PIEZO2: variants seen among roughly 807,000 people sequenced by gnomAD.
PIEZO2 encodes the protein piezo-type mechanosensitive ion channel component 2.
Under a neutral mutation model 337.3 loss-of-function variants are expected in PIEZO2, and 172 were observed. That is an observed-to-expected ratio of 0.51 (90% CI 0.45 to 0.58). The LOEUF is 0.58. Ranked by LOEUF, PIEZO2 falls within the 20% of genes least tolerant of loss-of-function variation. The pLI, the probability that PIEZO2 is intolerant of heterozygous loss-of-function variation, is 0.00. For missense variants in PIEZO2, 3,028 were observed against 3,391.3 expected (o/e 0.89, Z 2.66); for synonymous variants, 1,251 against 1,228.5 (o/e 1.02, Z -0.38).
chr18:10,899,908 G>A lies in PIEZO2; in HGVS notation c.329+11278C>T, dbSNP rs533476869. ...GGATCTCATTGTCATTCATTAACTC[G>A]AAGACTGTTTATATTAGTCATAATG... On this transcript the variant is annotated intron_variant, in intron 4 of 55. Transcript: ENST00000674853. This position sits in a 1 kb window ranked among gnomAD's most constrained non-coding sequence, Gnocchi z 4.6. Among the ~76,000 whole-genome samples the A allele has an allele frequency of 6.6e-6, 1 of 152,102 alleles. No individual in the cohort carries two copies. Among genetic ancestry groups the A allele is most frequent in the Non-Finnish European group, 1.5e-5 (1 of 68,028 alleles).
intron 49 of PIEZO2, among the ~76,000 whole-genome samples, chr18:10,683,994 C>T (rs939146311): frequency 1.3e-4 from 19 of 151,978 alleles, no homozygotes; most frequent in African/African-American, 4.1e-4. Context: ...TCTCAAATTA[C>T]GCAGCCAATT....
Position 11,032,460 on chromosome 18 carries a change from C to A in PIEZO2, c.160+33667G>T, listed in dbSNP as rs1337740326. Reference sequence around the variant, plus strand: ...GCTCTTGCTCTATTAGAATACGGAGCTATTCTTGGCATGCTCTCGAGTAAG... The same window carrying A: ...GCTCTTGCTCTATTAGAATACGGAGATATTCTTGGCATGCTCTCGAGTAAG... On this transcript the variant is annotated intron_variant, in intron 2 of 55. Transcript: ENST00000674853. The surrounding 1 kb of genome is among the most constrained non-coding windows in gnomAD (Gnocchi z 4.9). Among the ~76,000 whole-genome samples, 1 of 152,162 alleles carries A rather than the reference C, an allele frequency of 6.6e-6. No individual in the cohort carries two copies. Among genetic ancestry groups the A allele is most frequent in the African/African-American group, 2.4e-5 (1 of 41,436 alleles).
intron 3 of PIEZO2, among the ~76,000 whole-genome samples, chr18:10,944,941 T>C (rs2032940420): frequency 6.6e-6 from 1 of 152,102 alleles, no homozygotes; most frequent in African/African-American, 2.4e-5. Flanking sequence ...TGAGATAATG[T>C]CCATGTGCAG....
At position 10,921,021 on chromosome 18, in the gene PIEZO2, C is replaced by G. The variant is rs1170853007; in HGVS notation, c.287-9793G>C. ...TGAGCCAAGATCCTGCCATTGGACT[C>G]CAGCCTGGGCAACAAGGGCGAAACT... On this transcript the variant is annotated intron_variant, in intron 3 of 55. Transcript: ENST00000674853. Among the ~76,000 whole-genome samples, 4 of 152,112 alleles carry G rather than the reference C, an allele frequency of 2.6e-5. No individual in the cohort carries two copies. The East Asian group carries it at 7.7e-4, about 29-fold the overall frequency.
intron 3 of PIEZO2, among the ~76,000 whole-genome samples, chr18:10,972,457 G>A (rs1022862925): frequency 4.6e-5 from 7 of 152,150 alleles, no homozygotes; most frequent in Non-Finnish European, 1.0e-4. Flanking sequence ...GGCTGCAGCT[G>A]TGGGGCAGGT....
At chr18:10,965,741 T>C (rs2033970002) in intron 3 of PIEZO2, among the ~76,000 whole-genome samples, 1 of 152,176 alleles carries the variant, frequency 6.6e-6, no homozygotes, top group African/African-American at 2.4e-5. Flanking sequence ...AGGGAAAGAT[T>C]TGAAACATTT....
rs1246366918 is a variant in PIEZO2, at chr18:10,707,722, C to T, written c.5588+553G>A. On this transcript the variant is annotated intron_variant, in intron 40 of 55. Transcript: ENST00000674853. The surrounding 1 kb of genome is among the most constrained non-coding windows in gnomAD (Gnocchi z 4.2). ...AAAGTTATAGGCTACAAAGATGATGCATTCTGCTGCATAATATTCTTTTTA... is the reference window on the plus strand; with the variant it reads ...AAAGTTATAGGCTACAAAGATGATGTATTCTGCTGCATAATATTCTTTTTA... Among the ~76,000 whole-genome samples, 1 of 152,200 alleles carries T rather than the reference C, an allele frequency of 6.6e-6. No homozygotes were observed. The highest frequency in any genetic ancestry group is 1.5e-5 in the Non-Finnish European group (1 of 68,040).
chr18:10,902,730 C>T (rs528790338), intron 4 of PIEZO2, among the ~76,000 whole-genome samples: 2 of 152,112 alleles, frequency 1.3e-5, no homozygotes, highest in Admixed American at 6.6e-5. Flanking sequence ...GAGAGTTTAC[C>T]ACTGAAATCA....
intron 21 of PIEZO2, among the ~76,000 whole-genome samples, chr18:10,765,693 G>T (rs1324735895): frequency 1.3e-5 from 2 of 151,992 alleles, no homozygotes; most frequent in African/African-American, 4.8e-5. Context: ...GGAGTTCAAA[G>T]AGAGTAGTGA....
At position 11,053,396 on chromosome 18, in the gene PIEZO2, A is replaced by G. The variant is rs138962144; in HGVS notation, c.160+12731T>C. Among the ~76,000 whole-genome samples the G allele has an allele frequency of 1.6e-3, 238 of 152,342 alleles. 1 individual carries two copies. Among genetic ancestry groups the G allele is most frequent in the African/African-American group, 5.6e-3 (233 of 41,594 alleles). On this transcript the variant is annotated intron_variant, in intron 2 of 55. Transcript: ENST00000674853. ...AAATGAGAATAAGATTTCTAAGTCT[A>G]GCTCACTCTGACATTCAAATTAATA... is the stretch of plus-strand genomic sequence containing the variant.
In PIEZO2 at chr18:10,691,218, G is replaced by C; in HGVS notation, c.7349+7C>G. Reference sequence around the variant, plus strand: ...ATAAGTGACTGTGACGTTGCAGAGCGTCCTACCCTTGGAATAAGAAGAGGT... The same window carrying C: ...ATAAGTGACTGTGACGTTGCAGAGCCTCCTACCCTTGGAATAAGAAGAGGT... On this transcript the variant is annotated splice_region_variant and intron_variant, in intron 48 of 55. Coordinates refer to ENST00000674853, the MANE Select transcript of PIEZO2 (RefSeq NM_001378183.1). 1 of 1,612,534 alleles carries C rather than the reference G, an allele frequency of 6.2e-7. No homozygotes were observed. Among genetic ancestry groups the C allele is most frequent in the Non-Finnish European group, 8.5e-7 (1 of 1,179,406 alleles).
In PIEZO2 at chr18:10,705,752, G is replaced by A. The variant is rs2035558500; in HGVS notation, c.5589-6C>T. 5 of 1,512,788 alleles carry A rather than the reference G, an allele frequency of 3.3e-6. No individual in the cohort carries two copies. The highest frequency in any genetic ancestry group is 2.1e-5 in the Admixed American group (1 of 48,632). 93.7% of individuals were successfully genotyped at this position (1,512,788 alleles called of 1,614,324 possible). The stretch of plus-strand genomic sequence containing the variant: ...TGGTACACTGCGTGGGCTCGCTGTT[G>A]GGAGAAAGCGTGGGCACAGAGCCCA... On this transcript the variant is annotated splice_polypyrimidine_tract_variant and splice_region_variant and intron_variant, in intron 40 of 55. Transcript: ENST00000674853.
chr18:10,737,620 T>A lies in PIEZO2; in HGVS notation c.4709-910A>T, dbSNP rs2037060170. ...TGATACTTTCCCTGCAAGAACATAATGCCTGTGTCAAGAGTTGGGAGCAGA... is the reference window on the plus strand; with the variant it reads ...TGATACTTTCCCTGCAAGAACATAAAGCCTGTGTCAAGAGTTGGGAGCAGA... On this transcript the variant is annotated intron_variant, in intron 33 of 55. Transcript: ENST00000674853. 2.6e-5 allele frequency: 4 copies of A among 152,176 alleles called. No individual in the cohort carries two copies. In the South Asian group the frequency reaches 8.3e-4, roughly 32 times the overall value. 9.4% of individuals were successfully genotyped at this position (152,176 alleles called of 1,614,324 possible).
intron 49 of PIEZO2, among the ~76,000 whole-genome samples, chr18:10,688,787 G>A (rs1337004375): frequency 6.6e-6 from 1 of 151,922 alleles, no homozygotes; most frequent in South Asian, 2.1e-4. Flanking sequence ...ATTTCCAGAC[G>A]CTTTGGCACC....
Position 10,759,203 on chromosome 18 carries a change from ATG to A in PIEZO2, c.3757+277_3757+278del, listed in dbSNP as rs750817456. 3.8e-4 allele frequency among the ~76,000 whole-genome samples: 57 copies of A among 148,472 alleles called. No homozygotes were observed. Among genetic ancestry groups the A allele is most frequent in the South Asian group, 6.4e-4 (3 of 4,704 alleles). On this transcript the variant is annotated intron_variant, in intron 26 of 55. Transcript: ENST00000674853. This position sits in a 1 kb window ranked among gnomAD's most constrained non-coding sequence, Gnocchi z 5.5. ...TGTCTTTTGAAAGGTGGCTGTGTAA[ATG>A]TGTGTGTGTGTGTGTGTGTGTGTTT...
chr18:10,798,637 C>T (rs1417288129), intron 11 of PIEZO2, among the ~76,000 whole-genome samples: 1 of 152,048 alleles, frequency 6.6e-6, no homozygotes, highest in Non-Finnish European at 1.5e-5. Flanking sequence ...TTTTGAAAGC[C>T]CAGTTTATGA....
chr18:10,893,080 T>C (rs1310292799), intron 4 of PIEZO2, among the ~76,000 whole-genome samples: 2 of 152,224 alleles, frequency 1.3e-5, no homozygotes, highest in African/African-American at 4.8e-5. Flanking sequence ...AGGAAACTGT[T>C]TCTACTGCGA....
chr18:10,696,035 T>C, intron 47 of PIEZO2, 39 bp downstream of exon 47: 2 of 1,556,692 alleles, frequency 1.3e-6, no homozygotes, highest in Non-Finnish European at 1.8e-6. Context: ...CACAGTTGCA[T>C]GGAGGCAGGT....
intron 2 of PIEZO2, among the ~76,000 whole-genome samples, chr18:11,024,559 A>G (rs528371474): frequency 6.6e-5 from 10 of 151,826 alleles, no homozygotes; most frequent in South Asian, 2.1e-4. Flanking sequence ...AAAAAAAAAA[A>G]AAAAGAAAAA....
Sources: allele counts gnomAD v4.1 joint callset (sites outside exome capture counted in the v4.1 genomes callset), GRCh38; gene constraint gnomAD v4.1.1; non-coding constraint Gnocchi (gnomAD v3.1); transcripts MANE v1.5; gene names NCBI Gene and HGNC (gene_info 2026-07-23, HGNC 2026-07-21).